KDELR1: variants seen among roughly 807,000 people sequenced by gnomAD.
The protein encoded by KDELR1 is KDEL endoplasmic reticulum protein retention receptor 1.
KDELR1 carries 16 observed loss-of-function variants against 25.5 expected under a neutral mutation model. The observed-to-expected ratio is 0.63, with a 90% CI of 0.43 to 0.95. The LOEUF (loss-of-function observed/expected upper bound fraction) is 0.95. Among genes scored for constraint, KDELR1 ranks in the 40% least tolerant of loss-of-function variants. The probability of loss-of-function intolerance (pLI) is 0.00; values close to 1 mark genes in which losing one functional copy is unlikely to be tolerated. For missense variants in KDELR1, 159 were observed against 265.2 expected (o/e 0.60, Z 2.78); for synonymous variants, 121 against 115.0 (o/e 1.05, Z -0.33).
chr19:48,392,075 C>T (rs1256048442), upstream of KDELR1, among the ~76,000 whole-genome samples: 1 of 147,320 alleles, frequency 6.8e-6, no homozygotes, highest in African/African-American at 2.5e-5. Flanking sequence ...GACCCCCAGC[C>T]CCTCCTCCCT....
chr19:48,396,975 G>C, the KDELR1 span, among the ~76,000 whole-genome samples: 3 of 152,086 alleles, frequency 2.0e-5, no homozygotes, highest in Admixed American at 6.6e-5. Flanking sequence ...CAGGACCCAG[G>C]AGCCTGGCTC....
chr19:48,386,243 T>C (rs1316278913), intron 3 of KDELR1, among the ~76,000 whole-genome samples: 1 of 150,792 alleles, frequency 6.6e-6, no homozygotes, highest in Non-Finnish European at 1.5e-5. Flanking sequence ...ACCTCCCAAG[T>C]GGCTGGAATT....
In KDELR1 at chr19:48,383,276, G is replaced by A; in HGVS notation, c.*17C>T. 1 of 1,551,664 alleles carries A rather than the reference G, an allele frequency of 6.4e-7. No individual in the cohort carries two copies. Among genetic ancestry groups the A allele is most frequent in the African/African-American group, 1.4e-5 (1 of 73,208 alleles). On this transcript the variant is annotated 3_prime_UTR_variant, in exon 5 of 5. Coordinates refer to ENST00000330720, the MANE Select transcript of KDELR1 (RefSeq NM_006801.3). Reference sequence around the variant, plus strand: ...GCCTCCCGCTGCTGCCGAGGAGAGAGATGGAGAGGACCGGGGCTATGCCGG... The same window carrying A: ...GCCTCCCGCTGCTGCCGAGGAGAGAAATGGAGAGGACCGGGGCTATGCCGG...
At chr19:48,387,219 T>C (rs1970504189) in intron 3 of KDELR1, among the ~76,000 whole-genome samples, 1 of 152,052 alleles carries the variant, frequency 6.6e-6, no homozygotes, top group Non-Finnish European at 1.5e-5. Context: ...GTCAAGGGCT[T>C]GGATAAGTGA....
upstream of KDELR1, among the ~76,000 whole-genome samples, chr19:48,392,910 G>C (rs991234284): frequency 6.6e-6 from 1 of 152,212 alleles, no homozygotes; most frequent in Non-Finnish European, 1.5e-5. Context: ...ATCTGGGTGT[G>C]GGACCCCCGG....
chr19:48,395,616 G>A (rs369469857), upstream of KDELR1, among the ~76,000 whole-genome samples: 3 of 152,006 alleles, frequency 2.0e-5, no homozygotes, highest in Non-Finnish European at 4.4e-5. Flanking sequence ...GGATGCTGTG[G>A]GGGGCAATGA....
At chr19:48,391,220 C>A in intron 1 of KDELR1, 48 bp downstream of exon 1, 2 of 1,510,488 alleles carry the variant, frequency 1.3e-6, no homozygotes, top group Non-Finnish European at 1.8e-6. Flanking sequence ...CGTCCCCCAA[C>A]CCCCGCCCGC....
At chr19:48,388,773 GAAGA>G (rs754041641) in intron 3 of KDELR1, among the ~76,000 whole-genome samples, 65 of 145,672 alleles carry the variant, frequency 4.5e-4, no homozygotes, top group African/African-American at 1.2e-3. Context: ...GGAAAGAAAG[GAAGA>G]AAGAAAGAAA....
chr19:48,385,346 T>G (rs1304962118), intron 3 of KDELR1, among the ~76,000 whole-genome samples: 1 of 152,218 alleles, frequency 6.6e-6, no homozygotes, highest in African/African-American at 2.4e-5. Flanking sequence ...CCCCCAGGAC[T>G]GTCACATCAC....
upstream of KDELR1, among the ~76,000 whole-genome samples, chr19:48,393,941 C>T (rs1970596729): frequency 6.6e-6 from 1 of 151,940 alleles, no homozygotes; most frequent in African/African-American, 2.4e-5. This position sits in a 1 kb window ranked among gnomAD's most constrained non-coding sequence, Gnocchi z 5.6. Flanking sequence ...GCTGCGGCGG[C>T]GGAGGGAGGG....
At chr19:48,386,447 ATTT>A (rs377642574) in intron 3 of KDELR1, among the ~76,000 whole-genome samples, 1 of 111,490 alleles carries the variant, frequency 9.0e-6, no homozygotes. Context: ...TGCTGTTTGA[ATTT>A]TTTTTTTTTT....
intron 3 of KDELR1, among the ~76,000 whole-genome samples, chr19:48,385,737 G>T (rs916993073): frequency 3.3e-5 from 5 of 152,186 alleles, no homozygotes; most frequent in African/African-American, 4.8e-5. Flanking sequence ...GAAGGAAGGT[G>T]GGGGGCACCA....
chr19:48,383,191 G>T lies in KDELR1; in HGVS notation c.*102C>A. 2 of 1,219,776 alleles carry T rather than the reference G, an allele frequency of 1.6e-6. No homozygotes were observed. The highest frequency in any genetic ancestry group is 2.4e-6 in the Non-Finnish European group (2 of 846,950). 75.6% of individuals were successfully genotyped at this position (1,219,776 alleles called of 1,614,324 possible). On this transcript the variant is annotated 3_prime_UTR_variant, in exon 5 of 5. Transcript: ENST00000330720. ...AGGCGGGATGGGGAGCACAAGAGGT[G>T]GGTTCTTAAAAAAGTCACCCCTGGA...
chr19:48,394,446 G>A (rs1040746776), upstream of KDELR1, among the ~76,000 whole-genome samples: 16 of 145,546 alleles, frequency 1.1e-4, no homozygotes, highest in African/African-American at 2.5e-5. This position sits in a 1 kb window ranked among gnomAD's most constrained non-coding sequence, Gnocchi z 5.1. Flanking sequence ...AGACACAGAC[G>A]CTGGAAGGGG....
chr19:48,389,607 G>A lies in KDELR1; in HGVS notation c.297C>T (p.Val99=), dbSNP rs374397149. 43 of 1,613,972 alleles carry A rather than the reference G, an allele frequency of 2.7e-5. No individual in the cohort carries two copies. Among genetic ancestry groups the A allele is most frequent in the South Asian group, 1.2e-4 (11 of 91,086 alleles). Residue 99 remains valine (V), a synonymous_variant, in exon 3 of 5, where the codon GTC becomes GTT. Transcript: ENST00000330720. ...NHDTFRVEFL[V]VPTAILAFLV... is the part of the protein sequence containing the mutation. ...GGAACGCCAGAATGGCTGTGGGAAC[G>A]ACCAGGAACTCCACTCTGAACGTGT... is the stretch of plus-strand genomic sequence containing the variant.
At chr19:48,396,461 G>A (rs1970641866), upstream of KDELR1, among the ~76,000 whole-genome samples, 1 of 152,062 alleles carries the variant, frequency 6.6e-6, no homozygotes, top group South Asian at 2.1e-4. Flanking sequence ...GGCAGAGGAG[G>A]GGCTGGAGGG....
At chr19:48,389,381 C>T (rs1970522829) in intron 3 of KDELR1, 172 bp downstream of exon 3, 2 of 682,560 alleles carry the variant, frequency 2.9e-6, no homozygotes, top group Non-Finnish European at 2.5e-6. Context: ...GCGAGTCTTG[C>T]TGCTGTTGTG....
upstream of KDELR1, among the ~76,000 whole-genome samples, chr19:48,394,025 C>G (rs902393707): frequency 6.6e-6 from 1 of 151,968 alleles, no homozygotes; most frequent in African/African-American, 2.4e-5. This position sits in a 1 kb window ranked among gnomAD's most constrained non-coding sequence, Gnocchi z 5.1. Context: ...TTCCCCCCGG[C>G]CCCCCCAAAC....
intron 1 of KDELR1, 120 bp from the exon 2 acceptor site, chr19:48,390,644 A>C: frequency 1.4e-6 from 1 of 731,094 alleles, no homozygotes; most frequent in Non-Finnish European, 2.3e-6. Flanking sequence ...TGGGCAATAA[A>C]CTAAGGCAGG....
Sources: allele counts gnomAD v4.1 joint callset (sites outside exome capture counted in the v4.1 genomes callset), GRCh38; gene constraint gnomAD v4.1.1; non-coding constraint Gnocchi (gnomAD v3.1); transcripts MANE v1.5; gene names NCBI Gene and HGNC (gene_info 2026-07-23, HGNC 2026-07-21).